Variants in COX8A observed in about 807,000 individuals in gnomAD.
COX8A encodes cytochrome c oxidase subunit 8A, mitochondrial.
Under a neutral mutation model 4.4 loss-of-function variants are expected in COX8A, and 6 were observed. The observed-to-expected ratio is 1.36, with a 90% confidence interval of 0.74 to 2.68. COX8A has a LOEUF of 2.68. Ranked by LOEUF, COX8A falls within the 30% of genes most tolerant of loss-of-function variation. The probability of loss-of-function intolerance (pLI) is 0.00; values close to 1 mark genes in which losing one functional copy is unlikely to be tolerated. For synonymous variants in COX8A, 53 were observed against 47.1 expected (o/e 1.12, Z -0.51); for missense variants, 72 against 89.6 (o/e 0.80, Z 0.79).
At position 63,974,747 on chromosome 11, in the gene COX8A, C is replaced by CG; in HGVS notation, c.68dup (p.Ala24ArgfsTer57). 1 of 1,608,094 alleles carries CG rather than the reference C, an allele frequency of 6.2e-7. No homozygotes were observed. Among genetic ancestry groups the CG allele is most frequent in the Non-Finnish European group, 8.5e-7 (1 of 1,177,612 alleles). ...CTCGGCCCGGCGGCTCCCAGTGCCGCGCGCCAAGATCCATTCGTTGCCGCC... is the reference window on the plus strand; with the variant it reads ...CTCGGCCCGGCGGCTCCCAGTGCCGCGGCGCCAAGATCCATTCGTTGCCGCC... On this transcript the variant is annotated frameshift_variant, in exon 1 of 2. Coordinates refer to ENST00000314133, the MANE Select transcript of COX8A (RefSeq NM_004074.3). LOFTEE classifies it high-confidence loss of function.
chr11:63,975,598 C>CG (rs1298111012), intron 1 of COX8A, among the ~76,000 whole-genome samples: 2 of 150,938 alleles, frequency 1.3e-5, no homozygotes, highest in African/African-American at 4.9e-5. Context: ...TTTTTTGAGA[C>CG]GGAGTCTTGC....
At position 63,974,636 on chromosome 11, in the gene COX8A, C is replaced by G. The variant is rs754259525; in HGVS notation, c.-45C>G. 6.4e-7 allele frequency: 1 copy of G among 1,554,626 alleles called. No homozygotes were observed. Among genetic ancestry groups the G allele is most frequent in the East Asian group, 2.4e-5 (1 of 41,878 alleles). On this transcript the variant is annotated 5_prime_UTR_variant, in exon 1 of 2. Coordinates refer to ENST00000314133, the MANE Select transcript of COX8A (RefSeq NM_004074.3). ...AGCGCAGCCATTTTGGCTTCCTGAC[C>G]TTGGGCTACGGCTGACCGTTTTTTG...
Position 63,974,725 on chromosome 11 carries a change from G to T in COX8A, c.45G>T (p.Ser15=). ...TPLLLRGLTG[S]ARRLPVPRAK... The stretch of plus-strand genomic sequence containing the variant: ...TGCTGCTGCGGGGCTTGACAGGCTC[G>T]GCCCGGCGGCTCCCAGTGCCGCGCG... The change falls in exon 1 of 2, where the codon TCG becomes TCT. Residue 15 remains serine, a synonymous_variant. Coordinates refer to ENST00000314133, the MANE Select transcript of COX8A (RefSeq NM_004074.3). The T allele has an allele frequency of 1.2e-6, 2 of 1,608,478 alleles. No individual in the cohort carries two copies. The highest frequency in any genetic ancestry group is 1.7e-6 in the Non-Finnish European group (2 of 1,177,842).
Position 63,974,638 on chromosome 11 carries a change from T to C in COX8A, c.-43T>C. On this transcript the variant is annotated 5_prime_UTR_variant, in exon 1 of 2. Transcript: ENST00000314133. ...CGCAGCCATTTTGGCTTCCTGACCT[T>C]GGGCTACGGCTGACCGTTTTTTGTG... is the stretch of plus-strand genomic sequence containing the variant. 1 of 1,557,554 alleles carries C rather than the reference T, an allele frequency of 6.4e-7. No homozygotes were observed.
chr11:63,974,998 C>T (rs1262585077), intron 1 of COX8A, among the ~76,000 whole-genome samples: 1 of 152,156 alleles, frequency 6.6e-6, no homozygotes, highest in Non-Finnish European at 1.5e-5. Context: ...TCTTTCCCCA[C>T]AGCCCCAGGA....
chr11:63,976,263 C>T lies in COX8A; in HGVS notation c.153C>T (p.Phe51=), dbSNP rs1590771988. 16 of 1,614,192 alleles carry T rather than the reference C, an allele frequency of 9.9e-6. No individual in the cohort carries two copies. Among genetic ancestry groups the T allele is most frequent in the Admixed American group, 1.7e-5 (1 of 60,016 alleles). ...AVGLTSCFVT[F]LLPAGWILSH... is the part of the protein sequence containing the mutation. The stretch of plus-strand genomic sequence containing the variant: ...GGCTTACCTCCTGCTTCGTGACCTT[C>T]CTCCTGCCAGCGGGCTGGATCCTGT... The change falls in exon 2 of 2, where the codon TTC becomes TTT. Residue 51 remains phenylalanine, a synonymous_variant. Coordinates refer to ENST00000314133, the MANE Select transcript of COX8A (RefSeq NM_004074.3).
chr11:63,975,770 C>T (rs866284339), intron 1 of COX8A, among the ~76,000 whole-genome samples: 28 of 152,064 alleles, frequency 1.8e-4, no homozygotes, highest in African/African-American at 6.3e-4. Context: ...TTAGTAGAGA[C>T]GGGGTTTCAC....
In COX8A at chr11:63,976,423, C is replaced by A; in HGVS notation, c.*103C>A. 2 of 1,015,952 alleles carry A rather than the reference C, an allele frequency of 2.0e-6. No individual in the cohort carries two copies. Among genetic ancestry groups the A allele is most frequent in the Middle Eastern group, 3.0e-4 (1 of 3,318 alleles). 62.9% of individuals were successfully genotyped at this position (1,015,952 alleles called of 1,614,324 possible). ...CCGGCCTCCCCTGGATCATGTCATT[C>A]AATTCCAGTCACCTCTTCTGCAATC... On this transcript the variant is annotated 3_prime_UTR_variant, in exon 2 of 2. Coordinates refer to ENST00000314133, the MANE Select transcript of COX8A (RefSeq NM_004074.3).
At chr11:63,975,210 C>T (rs1255635056) in intron 1 of COX8A, among the ~76,000 whole-genome samples, 1 of 152,120 alleles carries the variant, frequency 6.6e-6, no homozygotes, top group African/African-American at 2.4e-5. Context: ...GACGGGTTCT[C>T]GCTCTGTCGC....
At chr11:63,974,844 TC>T in intron 1 of COX8A, 50 bp downstream of exon 1, 1 of 1,469,628 alleles carries the variant, frequency 6.8e-7, no homozygotes, top group Non-Finnish European at 9.1e-7. Flanking sequence ...GCTGACCCCT[TC>T]TGCCTAGCTG....
rs773161061 is a variant in COX8A at position 63,974,783 on chromosome 11, C to T, written c.103C>T (p.Leu35Phe). 2 of 1,604,958 alleles carry T rather than the reference C, an allele frequency of 1.2e-6. No homozygotes were observed. The highest frequency in any genetic ancestry group is 1.3e-5 in the African/African-American group (1 of 74,936). ...KIHSLPPEGK[L>F]GIMELAVGLT... ...CCATTCGTTGCCGCCGGAGGGGAAG[C>T]TTGGGATCATGGTGAGGAACGGGCC... The change falls in exon 1 of 2, where the codon CTT becomes TTT. Residue 35 changes from leucine (L) to phenylalanine (F), a missense_variant. By Grantham distance (22) the Leu-to-Phe change is conservative. Coordinates refer to ENST00000314133, the MANE Select transcript of COX8A (RefSeq NM_004074.3).
In COX8A at chr11:63,976,407, C is replaced by T. The variant is rs1942541486; in HGVS notation, c.*87C>T. 1 of 1,212,796 alleles carries T rather than the reference C, an allele frequency of 8.2e-7. No individual in the cohort carries two copies. Among genetic ancestry groups the T allele is most frequent in the Admixed American group, 1.7e-5 (1 of 57,456 alleles). The allele number at this position is 1,212,796 out of a possible 1,614,324, so 75.1% of individuals were successfully genotyped here. On this transcript the variant is annotated 3_prime_UTR_variant, in exon 2 of 2. Transcript: ENST00000314133. ...GTTACTGCATTTGTGGCCGGCCTCC[C>T]CTGGATCATGTCATTCAATTCCAGT... is the stretch of plus-strand genomic sequence containing the variant.
intron 1 of COX8A, 64 bp downstream of exon 1, chr11:63,974,858 C>T (rs952554190): frequency 5.0e-6 from 7 of 1,394,540 alleles, no homozygotes; most frequent in Non-Finnish European, 6.7e-6. Context: ...CCTAGCTGAC[C>T]TCAGGTGGTC....
chr11:63,974,661 GTGGTGTA>G lies in COX8A; in HGVS notation c.-19_-13del, dbSNP rs893208869. ...CTTGGGCTACGGCTGACCGTTTTTT[GTGGTGTA>G]CTCCGTGCCATCATGTCCGTCCTGA... On this transcript the variant is annotated 5_prime_UTR_variant, in exon 1 of 2. Transcript: ENST00000314133. 2 of 1,589,702 alleles carry G rather than the reference GTGGTGTA, an allele frequency of 1.3e-6. No individual in the cohort carries two copies. Among genetic ancestry groups the G allele is most frequent in the East Asian group, 2.3e-5 (1 of 43,842 alleles).
chr11:63,975,036 C>T (rs1379999642), intron 1 of COX8A, among the ~76,000 whole-genome samples: 1 of 152,168 alleles, frequency 6.6e-6, no homozygotes, highest in Non-Finnish European at 1.5e-5. Flanking sequence ...TCAGGCCCTC[C>T]CTCTCCTGTC....
intron 1 of COX8A, 127 bp downstream of exon 1, chr11:63,974,921 G>A: frequency 1.1e-6 from 1 of 900,496 alleles, no homozygotes; most frequent in Non-Finnish European, 1.6e-6. Flanking sequence ...TGCCGGTTTG[G>A]GCATGTCTGG....
At position 63,976,292 on chromosome 11, in the gene COX8A, A is replaced by G; in HGVS notation, c.182A>G (p.His61Arg). 6.2e-7 allele frequency: 1 copy of G among 1,614,116 alleles called. No homozygotes were observed. Among genetic ancestry groups the G allele is most frequent in the Admixed American group, 1.7e-5 (1 of 60,012 alleles). ...CTGCCAGCGGGCTGGATCCTGTCAC[A>G]CCTGGAGACCTACAGGAGGCCAGAG... ...FLLPAGWILS[H>R]LETYRRPE The change falls in exon 2 of 2, where the codon CAC becomes CGC. Residue 61 changes from histidine (H) to arginine (R), a missense_variant. Coordinates refer to ENST00000314133, the MANE Select transcript of COX8A (RefSeq NM_004074.3).
rs1214872596 is a variant in COX8A at position 63,976,430 on chromosome 11, A to G, written c.*110A>G. ...CCCCTGGATCATGTCATTCAATTCC[A>G]GTCACCTCTTCTGCAATCATGACCT... On this transcript the variant is annotated 3_prime_UTR_variant, in exon 2 of 2. Coordinates refer to ENST00000314133, the MANE Select transcript of COX8A (RefSeq NM_004074.3). The G allele has an allele frequency of 4.1e-6, 4 of 971,494 alleles. No individual in the cohort carries two copies. The highest frequency in any genetic ancestry group is 6.5e-6 in the Non-Finnish European group (4 of 618,442). 60.2% of individuals were successfully genotyped at this position (971,494 alleles called of 1,614,324 possible). A position where few individuals can be genotyped will look rare whatever the true frequency, so the allele number is the denominator to read the frequency against.
intron 1 of COX8A, among the ~76,000 whole-genome samples, chr11:63,975,699 G>A (rs1439962568): frequency 1.3e-5 from 2 of 151,818 alleles, no homozygotes; most frequent in Admixed American, 1.3e-4. Context: ...TCCTGCCTCA[G>A]TCTCCCGAGT....
Sources: gnomAD v4.1 joint callset for allele counts (sites outside exome capture counted in the v4.1 genomes callset) on GRCh38, gnomAD v4.1.1 for gene constraint, MANE v1.5 for transcripts, NCBI Gene and HGNC (gene_info 2026-07-23, HGNC 2026-07-21) for gene names.